Variants in GABRG3 observed in about 807,000 individuals in gnomAD.
GABRG3 encodes the protein gamma-aminobutyric acid type A receptor subunit gamma3, also known as gamma-aminobutyric acid receptor subunit gamma-3.
GABRG3 carries 25 observed loss-of-function variants against 48.8 expected under a neutral mutation model. The observed-to-expected ratio is 0.51, with a 90% CI of 0.37 to 0.72. GABRG3 has a LOEUF of 0.72. GABRG3 is among the 30% of genes least tolerant of loss of function. The pLI is 0.00. For synonymous variants in GABRG3, 227 were observed against 217.6 expected (o/e 1.04, Z -0.38); for missense variants, 394 against 577.9 (o/e 0.68, Z 3.26).
chr15:27,372,346 G>A (rs1895441173), intron 5 of GABRG3, among the ~76,000 whole-genome samples: 1 of 152,084 alleles, frequency 6.6e-6, no homozygotes, highest in African/African-American at 2.4e-5. Context: ...GCTGCTTACA[G>A]CCATAGAACA....
intron 3 of GABRG3, among the ~76,000 whole-genome samples, chr15:27,301,382 A>G (rs1595653282): frequency 6.6e-6 from 1 of 152,266 alleles, no homozygotes; most frequent in South Asian, 2.1e-4. Context: ...CTGCTGAATA[A>G]TATCTGTGAA....
intron 3 of GABRG3, among the ~76,000 whole-genome samples, chr15:27,126,285 C>T (rs1045421497): frequency 3.3e-5 from 5 of 152,164 alleles, no homozygotes; most frequent in Non-Finnish European, 7.4e-5. Flanking sequence ...GAAACTGGGG[C>T]ACGGAGAGGC....
chr15:27,513,311 G>T (rs367702890), intron 6 of GABRG3, among the ~76,000 whole-genome samples: 4 of 151,940 alleles, frequency 2.6e-5, no homozygotes, highest in African/African-American at 4.8e-5. Context: ...TTAGCCAGGC[G>T]TGGTGGTGGG....
At position 27,326,938 on chromosome 15, in the gene GABRG3, CG is replaced by C; in HGVS notation, c.401del (p.Arg134ProfsTer30). ...GLIWIPDTIF[R>X]NSKTAEAHWI... ...AATCTGGATCCCAGACACCATCTTC[CG>C]CAATTCTAAAACCGCAGAGGCTCAC... On this transcript the variant is annotated frameshift_variant, in exon 4 of 10. Coordinates refer to ENST00000615808, the MANE Select transcript of GABRG3 (RefSeq NM_033223.5). LOFTEE classifies it high-confidence loss of function. The C allele has an allele frequency of 6.2e-7, 1 of 1,613,984 alleles. No individual in the cohort carries two copies. Among genetic ancestry groups the C allele is most frequent in the Non-Finnish European group, 8.5e-7 (1 of 1,179,898 alleles).
chr15:27,403,696 C>A (rs924400625), intron 5 of GABRG3, among the ~76,000 whole-genome samples: 1 of 151,642 alleles, frequency 6.6e-6, no homozygotes, highest in Non-Finnish European at 1.5e-5. Flanking sequence ...GGGCGGATCA[C>A]GAGGTCAGGA....
chr15:27,065,194 G>GTGGA (rs1046986987), intron 3 of GABRG3, among the ~76,000 whole-genome samples: 1 of 152,194 alleles, frequency 6.6e-6, no homozygotes, highest in Admixed American at 6.5e-5. Context: ...ACCATAACGA[G>GTGGA]TGGATGAATG....
At chr15:27,095,387 C>A (rs1021552126) in intron 3 of GABRG3, among the ~76,000 whole-genome samples, 1 of 152,198 alleles carries the variant, frequency 6.6e-6, no homozygotes, top group African/African-American at 2.4e-5. Context: ...AATCAAGACA[C>A]ACCCCATATA....
At chr15:27,106,293 G>A (rs954561995) in intron 3 of GABRG3, among the ~76,000 whole-genome samples, 1 of 151,900 alleles carries the variant, frequency 6.6e-6, no homozygotes, top group African/African-American at 2.4e-5. Flanking sequence ...AAAAAACAAA[G>A]GGCAACTATG....
chr15:27,365,935 G>A (rs1895183102), intron 5 of GABRG3: 3 of 152,088 alleles, frequency 2.0e-5, no homozygotes, highest in South Asian at 4.1e-4. Flanking sequence ...TGATTTATAG[G>A]GCTTGTTGTT....
intron 3 of GABRG3, among the ~76,000 whole-genome samples, chr15:27,262,090 A>G (rs1013943778): frequency 6.6e-6 from 1 of 152,332 alleles, no homozygotes; most frequent in South Asian, 2.1e-4. Context: ...ATTAGAGCAG[A>G]AGTCAATGAT....
At chr15:27,444,695 G>T (rs1888890105) in intron 5 of GABRG3, among the ~76,000 whole-genome samples, 1 of 152,028 alleles carries the variant, frequency 6.6e-6, no homozygotes. Context: ...CCACTTTGCT[G>T]TTTCTCCTCC....
At chr15:27,216,776 T>A (rs985146441) in intron 3 of GABRG3, among the ~76,000 whole-genome samples, 27 of 111,966 alleles carry the variant, frequency 2.4e-4, no homozygotes, top group African/African-American at 8.5e-4. Context: ...ATTTATTTTT[T>A]AATTTTTTTT....
At chr15:27,308,754 T>C (rs1004376693) in intron 3 of GABRG3, among the ~76,000 whole-genome samples, 8 of 149,638 alleles carry the variant, frequency 5.3e-5, no homozygotes, top group Non-Finnish European at 8.9e-5. Context: ...TGTAAACATA[T>C]AATGTAAACA....
intron 3 of GABRG3, among the ~76,000 whole-genome samples, chr15:27,244,273 A>G (rs536033106): frequency 8.5e-5 from 13 of 152,326 alleles, no homozygotes; most frequent in African/African-American, 3.1e-4. Context: ...TTAACCGCCC[A>G]CAGAGTCAGC....
chr15:27,188,226 C>A (rs1888164723), intron 3 of GABRG3, among the ~76,000 whole-genome samples: 2 of 152,232 alleles, frequency 1.3e-5, no homozygotes, highest in Admixed American at 1.3e-4. Flanking sequence ...GATTTATAGT[C>A]CTTTGAGTAT....
Position 27,033,627 on chromosome 15 carries a change from G to T in GABRG3, c.270+6806G>T, listed in dbSNP as rs531014954. Among the ~76,000 whole-genome samples the T allele has an allele frequency of 2.0e-5, 3 of 152,168 alleles. No homozygotes were observed. In the South Asian group the frequency reaches 6.2e-4, roughly 32 times the overall value. On this transcript the variant is annotated intron_variant, in intron 3 of 9. Coordinates refer to ENST00000615808, the MANE Select transcript of GABRG3 (RefSeq NM_033223.5). ...AACGACACTAAAGGATACGAATTATGTATTTCTTTTAGCAATATTAGCTTT... is the reference window on the plus strand; with the variant it reads ...AACGACACTAAAGGATACGAATTATTTATTTCTTTTAGCAATATTAGCTTT...
intron 3 of GABRG3, among the ~76,000 whole-genome samples, chr15:27,201,805 A>T (rs566771459): frequency 1.3e-5 from 2 of 152,350 alleles, no homozygotes; most frequent in East Asian, 3.9e-4. Context: ...ATTTAGATAC[A>T]GATAAAAATG....
At chr15:27,513,396 G>A (rs981770062) in intron 6 of GABRG3, among the ~76,000 whole-genome samples, 20 of 151,698 alleles carry the variant, frequency 1.3e-4, no homozygotes, top group Non-Finnish European at 5.9e-5. Context: ...CTTGCAGTGA[G>A]CCAAGATGGC....
rs1471975212 is a variant in GABRG3 at position 26,976,509 on chromosome 15, A to G, written c.54-493A>G. On this transcript the variant is annotated intron_variant, in intron 1 of 9. Coordinates refer to ENST00000615808, the MANE Select transcript of GABRG3 (RefSeq NM_033223.5). The surrounding 1 kb of genome is among the most constrained non-coding windows in gnomAD (Gnocchi z 7.8). The stretch of plus-strand genomic sequence containing the variant: ...CCCCCAGATTCCCGCCTCCAAGAGA[A>G]GCACTGAGTCAGACTCAACTATTTT... Among the ~76,000 whole-genome samples, 2 of 152,156 alleles carry G rather than the reference A, an allele frequency of 1.3e-5. No homozygotes were observed. The highest frequency in any genetic ancestry group is 1.3e-4 in the Admixed American group (2 of 15,268).
Sources: allele counts gnomAD v4.1 joint callset (sites outside exome capture counted in the v4.1 genomes callset), GRCh38; gene constraint gnomAD v4.1.1; non-coding constraint Gnocchi (gnomAD v3.1); transcripts MANE v1.5; gene names NCBI Gene and HGNC (gene_info 2026-07-23, HGNC 2026-07-21).